Variants in SRD5A2 observed in about 807,000 individuals in gnomAD.
SRD5A2 encodes the protein 3-oxo-5-alpha-steroid 4-dehydrogenase 2.
A neutral mutation model predicts 27.4 loss-of-function variants in SRD5A2; 30 were observed. The ratio of observed to expected loss-of-function variants is 1.10; its 90% CI spans 0.82 to 1.49. The LOEUF (loss-of-function observed/expected upper bound fraction) is 1.49. Ranked by LOEUF, SRD5A2 falls within the 40% of genes most tolerant of loss-of-function variation. SRD5A2 has a pLI of 0.00. For missense variants in SRD5A2, 348 were observed against 323.4 expected, an observed-to-expected ratio of 1.08 and a Z score of -0.58; for synonymous variants, 141 against 133.6, an observed-to-expected ratio of 1.06 and a Z score of -0.38.
rs1056925819 is a variant in SRD5A2 at position 31,580,438 on chromosome 2, T to C, written c.281+182A>G. On this transcript the variant is annotated intron_variant, in intron 1 of 4. Coordinates refer to ENST00000622030, the MANE Select transcript of SRD5A2 (RefSeq NM_000348.4). ...CTGTGCCGCAGCCGCTTGTCAACTC[T>C]CTAGCGTCCAAGCCCCGGCCCCGGC... 2.6e-4 allele frequency among the ~76,000 whole-genome samples: 40 copies of C among 152,244 alleles called. No homozygotes were observed. In the East Asian group the frequency reaches 3.1e-3, roughly 12 times the overall value.
chr2:31,612,286 T>TA, the SRD5A2 span, among the ~76,000 whole-genome samples: 1,441 of 128,128 alleles, frequency 0.011, 9 homozygotes, highest in Middle Eastern at 0.019. Flanking sequence ...GTCTCAAAAT[T>TA]AAAAAAAAAA....
chr2:31,588,099 G>A, the SRD5A2 span, among the ~76,000 whole-genome samples: 1 of 152,044 alleles, frequency 6.6e-6, no homozygotes, highest in South Asian at 2.1e-4. Context: ...CAAAAAGAAT[G>A]AAGCATGCCT....
At chr2:31,609,009 A>C in the SRD5A2 span, among the ~76,000 whole-genome samples, 1 of 151,756 alleles carries the variant, frequency 6.6e-6, no homozygotes, top group Non-Finnish European at 1.5e-5. Flanking sequence ...CTAAGAGAGA[A>C]AGAGGGAGAT....
At chr2:31,558,464 T>C (rs1666547053) in intron 1 of SRD5A2, among the ~76,000 whole-genome samples, 2 of 152,208 alleles carry the variant, frequency 1.3e-5, no homozygotes, top group African/African-American at 4.8e-5. Flanking sequence ...TGAGTGTTCC[T>C]AGCTTCTGGC....
the SRD5A2 span, among the ~76,000 whole-genome samples, chr2:31,648,164 C>T: frequency 6.6e-6 from 1 of 152,126 alleles, no homozygotes; most frequent in African/African-American, 2.4e-5. Context: ...TAAATAAATT[C>T]AGCATGTACT....
chr2:31,583,652 C>CAAAA (rs1352139998), upstream of SRD5A2, among the ~76,000 whole-genome samples: 28 of 20,928 alleles, frequency 1.3e-3, 1 homozygote, highest in African/African-American at 3.5e-3. Flanking sequence ...AAAAAAAAAC[C>CAAAA]AAAAAAAAAG....
At chr2:31,538,778 T>A (rs1177699512) in intron 1 of SRD5A2, among the ~76,000 whole-genome samples, 1 of 152,212 alleles carries the variant, frequency 6.6e-6, no homozygotes, top group Non-Finnish European at 1.5e-5. Flanking sequence ...GCCTCATAAA[T>A]CTACTTTACT....
At chr2:31,546,822 C>T (rs950059616) in intron 1 of SRD5A2, among the ~76,000 whole-genome samples, 1 of 152,132 alleles carries the variant, frequency 6.6e-6, no homozygotes, top group Non-Finnish European at 1.5e-5. Context: ...ATAGGCTGGG[C>T]ACAGTGGCTC....
the SRD5A2 span, among the ~76,000 whole-genome samples, chr2:31,591,397 A>G: frequency 6.6e-6 from 1 of 152,314 alleles, no homozygotes; most frequent in African/African-American, 2.4e-5. Flanking sequence ...ATACCATCTC[A>G]CGCCAGTTAA....
chr2:31,552,936 G>A (rs1666410199), intron 1 of SRD5A2, among the ~76,000 whole-genome samples: 1 of 151,574 alleles, frequency 6.6e-6, no homozygotes, highest in East Asian at 1.9e-4. Flanking sequence ...TACAGAAGTG[G>A]AGATCTTTTA....
chr2:31,624,009 A>ATTTT, the SRD5A2 span, among the ~76,000 whole-genome samples: 4 of 152,086 alleles, frequency 2.6e-5, no homozygotes, highest in Non-Finnish European at 4.4e-5. Flanking sequence ...GTTTGCCAGT[A>ATTTT]TTTTATTGAG....
At chr2:31,599,211 C>T in the SRD5A2 span, among the ~76,000 whole-genome samples, 1 of 151,910 alleles carries the variant, frequency 6.6e-6, no homozygotes, top group Non-Finnish European at 1.5e-5. Flanking sequence ...ACAATAATAG[C>T]TGGAGACTTT....
rs1667054865 is a variant in SRD5A2, at chr2:31,580,615, G to A, written c.281+5C>T. 6.5e-7 allele frequency: 1 copy of A among 1,544,912 alleles called. No homozygotes were observed. The highest frequency in any genetic ancestry group is 8.7e-7 in the Non-Finnish European group (1 of 1,150,178). ...CACTGGGCGCCCGCAAGGGAAAAACGCTACCTGTGGAAGTAATGTAGGCAG... is the reference window on the plus strand; with the variant it reads ...CACTGGGCGCCCGCAAGGGAAAAACACTACCTGTGGAAGTAATGTAGGCAG... On this transcript the variant is annotated splice_donor_5th_base_variant and intron_variant, in intron 1 of 4. Transcript: ENST00000622030.
chr2:31,596,149 G>A, the SRD5A2 span, among the ~76,000 whole-genome samples: 4 of 152,086 alleles, frequency 2.6e-5, no homozygotes, highest in South Asian at 4.1e-4. Flanking sequence ...TGGTGCTCAC[G>A]CCTGTAATCT....
chr2:31,651,282 T>C, the SRD5A2 span: 4 of 153,592 alleles, frequency 2.6e-5, no homozygotes, highest in East Asian at 3.9e-4. Context: ...AATTATCCCA[T>C]AGATAAGAAT....
At chr2:31,596,565 A>G in the SRD5A2 span, among the ~76,000 whole-genome samples, 1 of 152,112 alleles carries the variant, frequency 6.6e-6, no homozygotes, top group Non-Finnish European at 1.5e-5. Flanking sequence ...CTGTTTGCTG[A>G]TGATATAATC....
At chr2:31,585,606 T>C (rs1444772353), upstream of SRD5A2, among the ~76,000 whole-genome samples, 6 of 152,140 alleles carry the variant, frequency 3.9e-5, no homozygotes, top group Non-Finnish European at 2.9e-5. Context: ...GCAGCGTTCA[T>C]CACCTGCTAG....
At chr2:31,548,739 C>A (rs1163501933) in intron 1 of SRD5A2, among the ~76,000 whole-genome samples, 1 of 152,110 alleles carries the variant, frequency 6.6e-6, no homozygotes, top group Non-Finnish European at 1.5e-5. Flanking sequence ...TCTGAATATG[C>A]ATCTAAAAGA....
chr2:31,601,230 T>C, the SRD5A2 span, among the ~76,000 whole-genome samples: 3 of 151,792 alleles, frequency 2.0e-5, no homozygotes, highest in African/African-American at 4.8e-5. Context: ...CAAAAAATGG[T>C]AAGGGGGATA....
Sources: allele counts gnomAD v4.1 joint callset (sites outside exome capture counted in the v4.1 genomes callset), GRCh38; gene constraint gnomAD v4.1.1; transcripts MANE v1.5; gene names NCBI Gene and HGNC (gene_info 2026-07-23, HGNC 2026-07-21).